The following AARS1 variants were observed in gnomAD, a reference collection of about 807,000 sequenced individuals.
AARS1 encodes the protein alanyl-tRNA synthetase 1, also known as alanine--tRNA ligase, cytoplasmic.
A neutral mutation model predicts 108.9 loss-of-function variants in AARS1; 72 were observed. The ratio of observed to expected loss-of-function variants is 0.66; its 90% CI spans 0.55 to 0.80. AARS1 has a LOEUF of 0.80. Ranked by LOEUF, AARS1 falls within the 30% of genes least tolerant of loss-of-function variation. The pLI, the probability that AARS1 is intolerant of heterozygous loss-of-function variation, is 0.00. For missense variants in AARS1, 1,193 were observed against 1,233.2 expected, an observed-to-expected ratio of 0.97 and a Z score of 0.49; for synonymous variants, 489 against 465.7, an observed-to-expected ratio of 1.05 and a Z score of -0.64.
chr16:70,276,314 A>T, intron 4 of AARS1, 172 bp downstream of exon 4: 1 of 690,580 alleles, frequency 1.4e-6, no homozygotes, highest in Non-Finnish European at 2.5e-6. Context: ...AGGTCACTGC[A>T]ACCTCCACCT....
chr16:70,263,535 C>T (rs1361755964), intron 11 of AARS1, among the ~76,000 whole-genome samples: 3 of 150,980 alleles, frequency 2.0e-5, no homozygotes, highest in Non-Finnish European at 2.9e-5. Flanking sequence ...TGCGCCACTG[C>T]ACTCCAGCCT....
intron 15 of AARS1, among the ~76,000 whole-genome samples, chr16:70,256,306 T>TG (rs916739152): frequency 1.3e-5 from 2 of 152,124 alleles, no homozygotes; most frequent in African/African-American, 4.8e-5. Flanking sequence ...GTATAGTTTT[T>TG]TTTGTTTGTT....
At chr16:70,268,488 T>C in intron 7 of AARS1, 109 bp from the exon 8 acceptor site, 1 of 857,934 alleles carries the variant, frequency 1.2e-6, no homozygotes. Flanking sequence ...TCTTTTATCC[T>C]AAGCCTGCTT....
At chr16:70,257,363 C>T (rs565477998) in intron 15 of AARS1, among the ~76,000 whole-genome samples, 5 of 152,130 alleles carry the variant, frequency 3.3e-5, no homozygotes, top group Admixed American at 2.0e-4. Flanking sequence ...TGCAATGAGC[C>T]GAGACTGTGC....
At position 70,252,392 on chromosome 16, in the gene AARS1, T is replaced by C. The variant is rs375263816; in HGVS notation, c.*329A>G. On this transcript the variant is annotated 3_prime_UTR_variant, in exon 21 of 21. Coordinates refer to ENST00000261772, the MANE Select transcript of AARS1 (RefSeq NM_001605.3). ...GATAGAGATCATGCGGCATTAAGTATTGCACGTGGTCCTTTTATTCTCTGC... is the reference window on the plus strand; with the variant it reads ...GATAGAGATCATGCGGCATTAAGTACTGCACGTGGTCCTTTTATTCTCTGC... 113 of 428,550 alleles carry C rather than the reference T, an allele frequency of 2.6e-4. No individual in the cohort carries two copies. The highest frequency in any genetic ancestry group is 2.5e-3 in the South Asian group (112 of 44,080). 26.5% of individuals were successfully genotyped at this position (428,550 alleles called of 1,614,324 possible).
intron 11 of AARS1, among the ~76,000 whole-genome samples, chr16:70,263,742 T>C (rs1960199946): frequency 6.6e-6 from 1 of 151,732 alleles, no homozygotes; most frequent in Non-Finnish European, 1.5e-5. Context: ...GCTCAAGTGA[T>C]CCTCCTGCCT....
rs377051192 is a variant in AARS1 at position 70,254,715 on chromosome 16, C to G, written c.2306G>C (p.Ser769Thr). ...CATGACAGAGAGACATTTCTTCAAGCTCTCTGCTTTCCTGAGGGCCTGGGA... is the reference window on the plus strand; with the variant it reads ...CATGACAGAGAGACATTTCTTCAAGGTCTCTGCTTTCCTGAGGGCCTGGGA... Reference protein sequence around the residue: ...EAQKALRKAESLKKCLSVMEA... With the variant: ...EAQKALRKAETLKKCLSVMEA... The change falls in exon 17 of 21, where the codon AGC (serine) becomes ACC (threonine). Residue 769 changes from serine (S) to threonine (T), a missense_variant. By Grantham distance (58) the Ser-to-Thr change is moderately conservative. Coordinates refer to ENST00000261772, the MANE Select transcript of AARS1 (RefSeq NM_001605.3). 19 of 1,613,884 alleles carry G rather than the reference C, an allele frequency of 1.2e-5. No individual in the cohort carries two copies. Among genetic ancestry groups the G allele is most frequent in the Admixed American group, 3.3e-5 (2 of 60,022 alleles).
chr16:70,275,417 C>A (rs960307260), intron 4 of AARS1, among the ~76,000 whole-genome samples: 7 of 151,824 alleles, frequency 4.6e-5, no homozygotes, highest in Non-Finnish European at 8.8e-5. Context: ...AGATCGAGAT[C>A]ATCCTGGCTA....
At chr16:70,275,517 C>A (rs1402655172) in intron 4 of AARS1, among the ~76,000 whole-genome samples, 1 of 151,612 alleles carries the variant, frequency 6.6e-6, no homozygotes, top group Non-Finnish European at 1.5e-5. Context: ...AATCCCAGCA[C>A]TTTGGGAGGC....
At chr16:70,263,087 G>A (rs1033796115) in intron 11 of AARS1, among the ~76,000 whole-genome samples, 11 of 150,876 alleles carry the variant, frequency 7.3e-5, no homozygotes, top group Non-Finnish European at 1.5e-4. Flanking sequence ...TTTTAGGACT[G>A]AGGGGTTTCC....
intron 13 of AARS1, 119 bp downstream of exon 13, chr16:70,260,925 G>T: frequency 1.3e-6 from 1 of 763,178 alleles, no homozygotes. Flanking sequence ...GCCTCCCAAA[G>T]TGCTGGGATT....
chr16:70,262,595 T>C (rs1960160169), intron 11 of AARS1, 71 bp from the exon 12 acceptor site: 3 of 1,475,108 alleles, frequency 2.0e-6, no homozygotes, highest in Admixed American at 2.1e-5. Context: ...TGGCTGACTT[T>C]TGCTGGATTC....
intron 9 of AARS1, among the ~76,000 whole-genome samples, chr16:70,265,947 G>C (rs1314184866): frequency 6.6e-6 from 1 of 152,196 alleles, no homozygotes; most frequent in African/African-American, 2.4e-5. Flanking sequence ...GAGAGGCCGA[G>C]GCGGGCGGAT....
At chr16:70,255,678 G>C in intron 16 of AARS1, 50 bp downstream of exon 16, 3 of 1,522,702 alleles carry the variant, frequency 2.0e-6, no homozygotes, top group Non-Finnish European at 2.7e-6. Context: ...CGCAGACTGG[G>C]CTCCTCTTGC....
chr16:70,268,396 C>T lies in AARS1; in HGVS notation c.963-17G>A. The T allele has an allele frequency of 1.2e-6, 2 of 1,610,696 alleles. No individual in the cohort carries two copies. Among genetic ancestry groups the T allele is most frequent in the Non-Finnish European group, 1.7e-6 (2 of 1,176,942 alleles). ...AACACATATCTGTAAGAGGCAAAAA[C>T]TAGTCCCCAACGTTCCCAGCTGAGG... On this transcript the variant is annotated splice_polypyrimidine_tract_variant and intron_variant, in intron 7 of 20. Coordinates refer to ENST00000261772, the MANE Select transcript of AARS1 (RefSeq NM_001605.3).
chr16:70,285,474 A>C (rs1370046295), intron 1 of AARS1, among the ~76,000 whole-genome samples: 1 of 151,462 alleles, frequency 6.6e-6, no homozygotes, highest in Non-Finnish European at 1.5e-5. Context: ...TTTGAGACAG[A>C]GTCTCACTCT....
intron 15 of AARS1, among the ~76,000 whole-genome samples, chr16:70,256,209 A>G (rs1463551314): frequency 6.6e-6 from 1 of 152,204 alleles, no homozygotes; most frequent in African/African-American, 2.4e-5. Flanking sequence ...TACTTTTAAA[A>G]TCTTACCACA....
At chr16:70,260,048 A>G (rs987243764) in intron 13 of AARS1, among the ~76,000 whole-genome samples, 1 of 152,208 alleles carries the variant, frequency 6.6e-6, no homozygotes, top group Non-Finnish European at 1.5e-5. Flanking sequence ...CCGGGATTAC[A>G]GGCATGAGCC....
chr16:70,259,999 C>T (rs938682753), intron 13 of AARS1, among the ~76,000 whole-genome samples: 5 of 152,036 alleles, frequency 3.3e-5, no homozygotes, highest in African/African-American at 7.2e-5. Flanking sequence ...CTCGAACTCC[C>T]GACCTCAGGT....
Sources: gnomAD v4.1 joint callset for allele counts (sites outside exome capture counted in the v4.1 genomes callset) on GRCh38, gnomAD v4.1.1 for gene constraint, MANE v1.5 for transcripts, NCBI Gene and HGNC (gene_info 2026-07-23, HGNC 2026-07-21) for gene names.